Variants in TSGA10 observed in about 807,000 individuals in gnomAD.
TSGA10 encodes the protein testis specific 10.
Under a neutral mutation model 96.6 loss-of-function variants are expected in TSGA10, and 43 were observed. The observed-to-expected ratio is 0.44, with a 90% CI of 0.35 to 0.57. TSGA10 has a LOEUF of 0.57. Ranked by LOEUF, TSGA10 falls within the 20% of genes least tolerant of loss-of-function variation. The pLI is 0.01. For synonymous variants in TSGA10, 229 were observed against 269.9 expected (o/e 0.85, Z 1.48); for missense variants, 703 against 834.4 (o/e 0.84, Z 1.94).
intron 1 of TSGA10, among the ~76,000 whole-genome samples, chr2:99,144,017 CCTTT>C (rs1203239667): frequency 9.3e-6 from 1 of 107,070 alleles, no homozygotes; most frequent in African/African-American, 2.7e-5. Context: ...ATGCTGTGTT[CCTTT>C]TTTTTGTTTG....
At chr2:99,069,133 A>G (rs1371735601) in intron 14 of TSGA10, 135 bp from the exon 15 acceptor site, 3 of 426,046 alleles carry the variant, frequency 7.0e-6, no homozygotes, top group Non-Finnish European at 1.3e-5. Context: ...ATATAAAAAA[A>G]GAAAACACAT....
intron 20 of TSGA10, among the ~76,000 whole-genome samples, chr2:98,999,731 T>A (rs953076837): frequency 6.6e-6 from 1 of 152,166 alleles, no homozygotes; most frequent in Admixed American, 6.5e-5. Flanking sequence ...AGATTTTAAC[T>A]CATCTATTTT....
intron 1 of TSGA10, among the ~76,000 whole-genome samples, chr2:99,133,320 T>A (rs1363977973): frequency 6.6e-6 from 1 of 152,206 alleles, no homozygotes; most frequent in African/African-American, 2.4e-5. Context: ...GTTGCATTGA[T>A]CCCTTAACCA....
chr2:99,021,560 A>G (rs192183146), intron 17 of TSGA10, among the ~76,000 whole-genome samples: 1 of 152,320 alleles, frequency 6.6e-6, no homozygotes, highest in East Asian at 1.9e-4. Flanking sequence ...AGATGCTATT[A>G]CTAGTTCAGG....
chr2:99,097,392 CT>C (rs1408269784), intron 10 of TSGA10, among the ~76,000 whole-genome samples: 1 of 152,044 alleles, frequency 6.6e-6, no homozygotes, highest in Admixed American at 6.6e-5. Flanking sequence ...CAAATATTGA[CT>C]GAGCAAACAA....
intron 2 of TSGA10, among the ~76,000 whole-genome samples, chr2:99,123,482 G>T (rs78229753): frequency 0.025 from 3,764 of 152,040 alleles, 75 homozygotes; most frequent in Non-Finnish European, 0.035. Context: ...TGAGAACATT[G>T]AGCTTTTATT....
intron 1 of TSGA10, among the ~76,000 whole-genome samples, chr2:99,153,700 T>C (rs539913923): frequency 6.6e-6 from 1 of 152,356 alleles, no homozygotes; most frequent in Non-Finnish European, 1.5e-5. Context: ...CAGTTAACTC[T>C]GAACAAAATT....
intron 20 of TSGA10, among the ~76,000 whole-genome samples, chr2:99,015,560 T>C (rs1198347264): frequency 6.6e-6 from 1 of 152,116 alleles, no homozygotes; most frequent in Non-Finnish European, 1.5e-5. Flanking sequence ...ATGGGGACAG[T>C]TGAAAGCATT....
chr2:99,001,882 A>G (rs1016829036), intron 20 of TSGA10, among the ~76,000 whole-genome samples: 8 of 152,228 alleles, frequency 5.3e-5, no homozygotes, highest in Non-Finnish European at 1.0e-4. Flanking sequence ...AAGAAAAGGT[A>G]TCAGTGATTG....
At chr2:99,140,996 C>T (rs1327603909) in intron 1 of TSGA10, 1 of 1,071,436 alleles carries the variant, frequency 9.3e-7, no homozygotes, top group East Asian at 8.2e-5. Flanking sequence ...GCACCCGCCA[C>T]TCCTGCCCGC....
intron 16 of TSGA10, among the ~76,000 whole-genome samples, chr2:99,052,351 G>A (rs2083475694): frequency 6.6e-6 from 1 of 151,936 alleles, no homozygotes; most frequent in East Asian, 1.9e-4. Flanking sequence ...CCAACAAATT[G>A]GATAACCTAG....
At chr2:99,063,469 T>C (rs1051769727) in intron 16 of TSGA10, among the ~76,000 whole-genome samples, 1 of 152,104 alleles carries the variant, frequency 6.6e-6, no homozygotes, top group African/African-American at 2.4e-5. Context: ...GTAATATCTT[T>C]AAGAGGATTA....
intron 1 of TSGA10, among the ~76,000 whole-genome samples, chr2:99,132,069 T>C (rs957977440): frequency 6.6e-6 from 1 of 152,194 alleles, no homozygotes; most frequent in African/African-American, 2.4e-5. Context: ...TCAGAAATAT[T>C]GGCCTGAAAT....
chr2:99,105,744 T>C, intron 7 of TSGA10, 47 bp from the exon 8 acceptor site: 3 of 1,507,266 alleles, frequency 2.0e-6, no homozygotes, highest in Non-Finnish European at 2.7e-6. Context: ...TTAGAACACA[T>C]AAACATAAAA....
At chr2:99,125,646 GC>G (rs2092786815) in intron 2 of TSGA10, 1 of 152,086 alleles carries the variant, frequency 6.6e-6, no homozygotes, top group Admixed American at 6.6e-5. Context: ...GTTTTAGCAG[GC>G]CTCCTGTGAC....
chr2:99,121,431 T>C (rs563276142), intron 2 of TSGA10, among the ~76,000 whole-genome samples: 2 of 136 alleles, frequency 0.015, no homozygotes, highest in Non-Finnish European at 0.04. Context: ...CTTTTTCTAG[T>C]ATACCAGACA....
intron 10 of TSGA10, among the ~76,000 whole-genome samples, chr2:99,096,131 C>A (rs1168926293): frequency 6.6e-6 from 1 of 151,880 alleles, no homozygotes; most frequent in East Asian, 1.9e-4. Flanking sequence ...AAGTGTATAG[C>A]AAAATTTTAA....
chr2:99,071,968 A>T (rs2086027422), intron 13 of TSGA10, 94 bp from the exon 14 acceptor site: 15 of 1,127,574 alleles, frequency 1.3e-5, no homozygotes, highest in Non-Finnish European at 1.8e-5. Flanking sequence ...GTTAGTATGA[A>T]AACATTTGAA....
At position 99,006,483 on chromosome 2, in the gene TSGA10, A is replaced by C. The variant is rs181281761; in HGVS notation, c.2073-8262T>G. ...AACAACCCCATCAAAAAGTGGGTGAAGGATATGAACAGATACTTCTCAAAA... is the reference window on the plus strand; with the variant it reads ...AACAACCCCATCAAAAAGTGGGTGACGGATATGAACAGATACTTCTCAAAA... On this transcript the variant is annotated intron_variant, in intron 20 of 20. Transcript: ENST00000393483. Among the ~76,000 whole-genome samples the C allele has an allele frequency of 1.9e-3, 292 of 152,358 alleles. 2 individuals carry two copies. Among genetic ancestry groups the C allele is most frequent in the African/African-American group, 6.8e-3 (283 of 41,588 alleles).
Sources: gnomAD v4.1 joint callset for allele counts (sites outside exome capture counted in the v4.1 genomes callset) on GRCh38, gnomAD v4.1.1 for gene constraint, MANE v1.5 for transcripts, NCBI Gene and HGNC (gene_info 2026-07-23, HGNC 2026-07-21) for gene names.